The following CRISPLD2 variants were observed in gnomAD, a reference collection of about 807,000 sequenced individuals.
The protein encoded by CRISPLD2 is cysteine rich secretory protein LCCL domain containing 2.
CRISPLD2 carries 47 observed loss-of-function variants against 71.1 expected under a neutral mutation model. The ratio of observed to expected loss-of-function variants is 0.66; its 90% CI spans 0.52 to 0.84. The LOEUF is 0.84. CRISPLD2 is among the 40% of genes least tolerant of loss of function. The pLI is 0.00. For missense variants in CRISPLD2, 830 were observed against 651.1 expected, an observed-to-expected ratio of 1.27 and a Z score of -2.99; for synonymous variants, 317 against 250.1, an observed-to-expected ratio of 1.27 and a Z score of -2.52.
intron 13 of CRISPLD2, among the ~76,000 whole-genome samples, chr16:84,886,378 G>A (rs777515856): frequency 7.9e-5 from 12 of 152,206 alleles, no homozygotes; most frequent in Non-Finnish European, 1.3e-4. Context: ...CGGATGGGCC[G>A]AGGACAGTGG....
At chr16:84,881,771 C>T (rs186777493) in intron 13 of CRISPLD2, among the ~76,000 whole-genome samples, 6 of 152,238 alleles carry the variant, frequency 3.9e-5, no homozygotes, top group Non-Finnish European at 5.9e-5. Context: ...CCACTGCACC[C>T]GGCCTCCAGA....
chr16:84,869,383 C>T (rs1225622243), intron 8 of CRISPLD2, among the ~76,000 whole-genome samples: 3 of 152,198 alleles, frequency 2.0e-5, no homozygotes, highest in Non-Finnish European at 2.9e-5. Context: ...GGACCTTGCT[C>T]GTCTTCCTAC....
chr16:84,904,787 C>G (rs1003522283), intron 14 of CRISPLD2, among the ~76,000 whole-genome samples: 1 of 152,056 alleles, frequency 6.6e-6, no homozygotes, highest in Non-Finnish European at 1.5e-5. Flanking sequence ...ACCTTTGCCT[C>G]ACACTATATA....
At chr16:84,838,774 G>T (rs199829635) in intron 2 of CRISPLD2, 39 bp downstream of exon 2, 1 of 1,582,764 alleles carries the variant, frequency 6.3e-7, no homozygotes, top group South Asian at 1.1e-5. Context: ...GGCACCGGGG[G>T]TGGGGCCTGG....
rs1597492100 is a variant in CRISPLD2, at chr16:84,907,971, G to A, written c.*1329G>A. ...TAAATAGCATTTTTTTGCAGAAGGT[G>A]AAAATTCCACTCTCTACCACCGGGC... is the stretch of plus-strand genomic sequence containing the variant. On this transcript the variant is annotated 3_prime_UTR_variant, in exon 15 of 15. Transcript: ENST00000262424. 1 of 152,178 alleles carries A rather than the reference G, an allele frequency of 6.6e-6. No individual in the cohort carries two copies. Among genetic ancestry groups the A allele is most frequent in the South Asian group, 2.1e-4 (1 of 4,830 alleles). 9.4% of individuals were successfully genotyped at this position (152,178 alleles called of 1,614,324 possible).
chr16:84,838,658 G>T lies in CRISPLD2; in HGVS notation c.163G>T (p.Asp55Tyr), dbSNP rs760678386. 7.4e-6 allele frequency: 12 copies of T among 1,614,100 alleles called. No homozygotes were observed. Among genetic ancestry groups the T allele is most frequent in the Non-Finnish European group, 9.3e-6 (11 of 1,180,048 alleles). ...GGTCCGCAGAGCCATCCCCAGGGAG[G>T]ACAAGGAGGAGATCCTCATGCTGCA... Reference protein sequence around the residue: ...SRVRRAIPREDKEEILMLHNK... With the variant: ...SRVRRAIPREYKEEILMLHNK... Residue 55 changes from aspartate to tyrosine, a missense_variant, in exon 2 of 15, where the codon GAC becomes TAC. Asp to Tyr is a radical substitution (Grantham distance 160, BLOSUM62 -3). Coordinates refer to ENST00000262424, the MANE Select transcript of CRISPLD2 (RefSeq NM_031476.4).
intron 1 of CRISPLD2, among the ~76,000 whole-genome samples, chr16:84,824,896 G>C (rs1916312027): frequency 6.6e-6 from 1 of 152,046 alleles, no homozygotes; most frequent in African/African-American, 2.4e-5. Context: ...CTGAGGTCAG[G>C]AGTTTGAGAC....
intron 13 of CRISPLD2, among the ~76,000 whole-genome samples, chr16:84,883,348 C>T (rs2071584674): frequency 6.6e-6 from 1 of 152,242 alleles, no homozygotes; most frequent in South Asian, 2.1e-4. Flanking sequence ...TTCACCAGGA[C>T]TGCATTTCCT....
At chr16:84,895,940 A>C (rs765405920) in intron 14 of CRISPLD2, among the ~76,000 whole-genome samples, 4 of 152,174 alleles carry the variant, frequency 2.6e-5, no homozygotes, top group Admixed American at 1.3e-4. Context: ...AACCAGCCCA[A>C]GGTCCTAAAG....
At chr16:84,822,800 G>T (rs1452864789) in intron 1 of CRISPLD2, among the ~76,000 whole-genome samples, 1 of 151,942 alleles carries the variant, frequency 6.6e-6, no homozygotes, top group Non-Finnish European at 1.5e-5. Context: ...AGGTAGATCT[G>T]GGTGGTGGTT....
intron 14 of CRISPLD2, among the ~76,000 whole-genome samples, chr16:84,900,492 C>G (rs1055138427): frequency 6.6e-6 from 1 of 151,906 alleles, no homozygotes; most frequent in African/African-American, 2.4e-5. Flanking sequence ...GATGCCACTC[C>G]CTACCTTCTA....
intron 11 of CRISPLD2, among the ~76,000 whole-genome samples, chr16:84,874,271 G>T (rs543040403): frequency 6.6e-6 from 1 of 152,180 alleles, no homozygotes; most frequent in Non-Finnish European, 1.5e-5. Context: ...ACTTTCTGTC[G>T]ATTGGTAATG....
At chr16:84,863,048 T>G (rs942276210) in intron 6 of CRISPLD2, 1 of 152,206 alleles carries the variant, frequency 6.6e-6, no homozygotes, top group Non-Finnish European at 1.5e-5. Flanking sequence ...CTTCCTGGAC[T>G]TCACAGCCAG....
intron 6 of CRISPLD2, among the ~76,000 whole-genome samples, chr16:84,858,494 A>T (rs1317468242): frequency 2.6e-5 from 4 of 152,172 alleles, no homozygotes; most frequent in Admixed American, 1.3e-4. Flanking sequence ...AATTTTACCA[A>T]GGTAGAAGTT....
At chr16:84,859,769 T>C (rs1490496544) in intron 6 of CRISPLD2, among the ~76,000 whole-genome samples, 1 of 152,256 alleles carries the variant, frequency 6.6e-6, no homozygotes, top group Admixed American at 6.5e-5. Context: ...CAGACTATTC[T>C]GATTGCTGCT....
At position 84,872,926 on chromosome 16, in the gene CRISPLD2, T is replaced by C. The variant is rs2071483876; in HGVS notation, c.982-66T>C. On this transcript the variant is annotated intron_variant, in intron 9 of 14. Coordinates refer to ENST00000262424, the MANE Select transcript of CRISPLD2 (RefSeq NM_031476.4). ...TGAGTTGAGGACAAATGTTTGGGTA[T>C]TTCTGGTGAAACTTGCTGACAGAGG... The C allele has an allele frequency of 3.2e-6, 5 of 1,545,856 alleles. No homozygotes were observed. In the East Asian group the frequency reaches 1.2e-4, roughly 36 times the overall value.
intron 6 of CRISPLD2, among the ~76,000 whole-genome samples, chr16:84,866,450 G>A (rs559150216): frequency 6.6e-6 from 1 of 152,230 alleles, no homozygotes; most frequent in East Asian, 1.9e-4. Flanking sequence ...TAGCCAGGCT[G>A]GTGTCAAACT....
chr16:84,838,769 CG>C, intron 2 of CRISPLD2, 34 bp downstream of exon 2: 2 of 1,589,996 alleles, frequency 1.3e-6, no homozygotes, highest in Non-Finnish European at 1.7e-6. Flanking sequence ...AGGCTGGCAC[CG>C]GGGGTGGGGC....
chr16:84,846,019 G>A (rs577980757), intron 3 of CRISPLD2, 115 bp downstream of exon 3: 102 of 627,070 alleles, frequency 1.6e-4, no homozygotes, highest in Non-Finnish European at 2.1e-4. Flanking sequence ...GAGACCACCC[G>A]TCCCATCGAT....
Sources: allele counts gnomAD v4.1 joint callset (sites outside exome capture counted in the v4.1 genomes callset), GRCh38; gene constraint gnomAD v4.1.1; transcripts MANE v1.5; gene names NCBI Gene and HGNC (gene_info 2026-07-23, HGNC 2026-07-21).